Variants in NR5A1 observed in about 807,000 individuals in gnomAD.
The protein encoded by NR5A1 is nuclear receptor subfamily 5 group A member 1.
Under a neutral mutation model 42.7 loss-of-function variants are expected in NR5A1, and 6 were observed. The observed-to-expected ratio is 0.14, with a 90% CI of 0.08 to 0.28. The LOEUF is 0.28. Among genes scored for constraint, NR5A1 ranks in the 10% least tolerant of loss-of-function variants. NR5A1 has a pLI of 1.00. For synonymous variants in NR5A1, 274 were observed against 277.5 expected (o/e 0.99, Z 0.12); for missense variants, 442 against 626.4 (o/e 0.71, Z 3.14).
Position 124,492,921 on chromosome 9 carries a change from C to T in NR5A1, c.990+109G>A. 4 of 1,314,728 alleles carry T rather than the reference C, an allele frequency of 3.0e-6. No individual in the cohort carries two copies. The South Asian group carries it at 4.6e-5, about 15-fold the overall frequency. The allele number at this position is 1,314,728 out of a possible 1,614,324, so 81.4% of individuals were successfully genotyped here. A position where few individuals can be genotyped will look rare whatever the true frequency, so the allele number is the denominator to read the frequency against. On this transcript the variant is annotated intron_variant, in intron 5 of 6. Coordinates refer to ENST00000373588, the MANE Select transcript of NR5A1 (RefSeq NM_004959.5). ...GGGAAAGGGCTGATAATTAGGGTGC[C>T]CAGAGCCAGCCCCGAGAGGCCTGGG...
chr9:124,488,218 C>G (rs1270622232), intron 6 of NR5A1, among the ~76,000 whole-genome samples: 1 of 152,094 alleles, frequency 6.6e-6, no homozygotes, highest in African/African-American at 2.4e-5. Context: ...GAAGCCTTCC[C>G]GGATAGCCAA....
Position 124,500,120 on chromosome 9 carries a change from T to C in NR5A1, c.840A>G (p.Ala280=). The change falls in exon 4 of 7, where the codon GCA becomes GCG. Residue 280 remains alanine, a synonymous_variant. Transcript: ENST00000373588. This position sits in a 1 kb window ranked among gnomAD's most constrained non-coding sequence, Gnocchi z 6.9. ...GCTCCTTGAAGACCATGCACCTGCG[T>C]GCCCAGTCCACGATGGAGATGAAGG... ...DQTFISIVDW[A]RRCMVFKELE... The C allele has an allele frequency of 6.2e-7, 1 of 1,613,122 alleles. No individual in the cohort carries two copies. The highest frequency in any genetic ancestry group is 1.3e-5 in the African/African-American group (1 of 75,074).
Position 124,505,135 on chromosome 9 carries a change from C to G in NR5A1, c.-15-1725G>C, listed in dbSNP as rs533902777. 3.3e-5 allele frequency among the ~76,000 whole-genome samples: 5 copies of G among 152,012 alleles called. No homozygotes were observed. In the East Asian group the frequency reaches 9.7e-4, roughly 30 times the overall value. On this transcript the variant is annotated intron_variant, in intron 1 of 6. Transcript: ENST00000373588. ...GAGTCTTCGCCCTCATCCTCCAGGC[C>G]CCCCAGCCGCAGCCCGGCTCCCCGG...
At chr9:124,502,232 C>T (rs1832481713) in intron 3 of NR5A1, among the ~76,000 whole-genome samples, 1 of 152,234 alleles carries the variant, frequency 6.6e-6, no homozygotes, top group Non-Finnish European at 1.5e-5. Context: ...CTTGCCTGCA[C>T]CGATCCCCAC....
chr9:124,487,366 C>A (rs907028128), intron 6 of NR5A1, among the ~76,000 whole-genome samples: 45 of 152,220 alleles, frequency 3.0e-4, no homozygotes, highest in African/African-American at 1.1e-3. Flanking sequence ...AAATTGCAAA[C>A]GCTTAAGGGA....
At chr9:124,504,462 G>C (rs1275386188) in intron 1 of NR5A1, among the ~76,000 whole-genome samples, 2 of 152,024 alleles carry the variant, frequency 1.3e-5, no homozygotes, top group East Asian at 3.9e-4. Context: ...CAAAGCCGCA[G>C]CAGCGACGGC....
intron 6 of NR5A1, 45 bp downstream of exon 6, chr9:124,491,036 C>CCCCCCAA: frequency 7.1e-7 from 1 of 1,401,602 alleles, no homozygotes; most frequent in Non-Finnish European, 9.6e-7. Flanking sequence ...CCCACCCACC[C>CCCCCCAA]GCCTCTGGCT....
rs546416498 is a variant in NR5A1 at position 124,500,023 on chromosome 9, C to T, written c.870+67G>A. ...AGGATGGCCCTATCCAAAGGACAGT[C>T]GGGCTAAGGCTTGGGCAGCCGGGAG... On this transcript the variant is annotated intron_variant, in intron 4 of 6. Transcript: ENST00000373588. This position sits in a 1 kb window ranked among gnomAD's most constrained non-coding sequence, Gnocchi z 6.9. 27 of 1,610,450 alleles carry T rather than the reference C, an allele frequency of 1.7e-5. No homozygotes were observed. Among genetic ancestry groups the T allele is most frequent in the Middle Eastern group, 1.7e-4 (1 of 5,996 alleles).
chr9:124,505,223 C>T (rs1832539171), intron 1 of NR5A1, among the ~76,000 whole-genome samples: 1 of 152,234 alleles, frequency 6.6e-6, no homozygotes, highest in Non-Finnish European at 1.5e-5. Context: ...AGGTATAGGG[C>T]AGTGGGGGCC....
At chr9:124,495,412 C>T (rs1384450934) in intron 4 of NR5A1, among the ~76,000 whole-genome samples, 1 of 152,230 alleles carries the variant, frequency 6.6e-6, no homozygotes, top group Non-Finnish European at 1.5e-5. Flanking sequence ...GCCCACATTA[C>T]AGATAAGGAA....
intron 1 of NR5A1, among the ~76,000 whole-genome samples, chr9:124,504,062 A>AGAGAGAGAGG (rs1832513008): frequency 6.7e-6 from 1 of 149,730 alleles, no homozygotes; most frequent in African/African-American, 2.5e-5. Flanking sequence ...CGAGAGAGAG[A>AGAGAGAGAGG]GAGAGAGAGA....
intron 4 of NR5A1, among the ~76,000 whole-genome samples, chr9:124,497,011 C>G (rs544341811): frequency 9.9e-5 from 15 of 152,184 alleles, no homozygotes; most frequent in African/African-American, 2.7e-4. Context: ...GACCCTCAGA[C>G]GGTCCCAGAA....
At chr9:124,502,456 A>T (rs1326751836) in intron 3 of NR5A1, among the ~76,000 whole-genome samples, 1 of 151,952 alleles carries the variant, frequency 6.6e-6, no homozygotes, top group African/African-American at 2.4e-5. Flanking sequence ...CAGCCTCCTG[A>T]GTAGCTAGGA....
chr9:124,503,258 C>T lies in NR5A1; in HGVS notation c.102+36G>A, dbSNP rs375866403. The T allele has an allele frequency of 5.6e-6, 9 of 1,605,162 alleles. No homozygotes were observed. The highest frequency in any genetic ancestry group is 3.4e-6 in the Non-Finnish European group (4 of 1,176,728). ...AGAGTCAGCGAGGCCCCGCAGCGCC[C>T]GTCTGCCGCACCCCTGCCGCGCGCT... On this transcript the variant is annotated intron_variant, in intron 2 of 6. Coordinates refer to ENST00000373588, the MANE Select transcript of NR5A1 (RefSeq NM_004959.5). The surrounding 1 kb of genome is among the most constrained non-coding windows in gnomAD (Gnocchi z 9.6).
At chr9:124,505,783 G>T (rs1237734496) in intron 1 of NR5A1, among the ~76,000 whole-genome samples, 1 of 152,208 alleles carries the variant, frequency 6.6e-6, no homozygotes, top group African/African-American at 2.4e-5. Context: ...GGGGGGGTGG[G>T]GCGAGGAAGA....
At chr9:124,502,501 T>A (rs116050766) in intron 3 of NR5A1, among the ~76,000 whole-genome samples, 1,693 of 152,256 alleles carry the variant, frequency 0.011, 26 homozygotes, top group African/African-American at 0.038. Flanking sequence ...AGCTACTTTT[T>A]TATATTTTAT....
rs1249863051 is a variant in NR5A1 at position 124,500,811 on chromosome 9, TC to T, written c.245-97del. On this transcript the variant is annotated intron_variant, in intron 3 of 6. Transcript: ENST00000373588. The surrounding 1 kb of genome is among the most constrained non-coding windows in gnomAD (Gnocchi z 6.9). ...TTTCCAAACAAATCTGACCGCTCTC[TC>T]CCCTGCTCAACACCCTTTCATGGCT... 3 of 1,584,756 alleles carry T rather than the reference TC, an allele frequency of 1.9e-6. No individual in the cohort carries two copies. Among genetic ancestry groups the T allele is most frequent in the Non-Finnish European group, 2.6e-6 (3 of 1,156,532 alleles).
chr9:124,494,840 T>A (rs1198789647), intron 4 of NR5A1, among the ~76,000 whole-genome samples: 1 of 152,134 alleles, frequency 6.6e-6, no homozygotes, highest in Non-Finnish European at 1.5e-5. Flanking sequence ...ACTCTCTACC[T>A]GGGACCAGAG....
chr9:124,491,015 T>TCCGCCCC, intron 6 of NR5A1, 66 bp downstream of exon 6: 1 of 634,816 alleles, frequency 1.6e-6, no homozygotes, highest in Non-Finnish European at 2.8e-6. Context: ...CTCTCCAGCC[T>TCCGCCCC]CACCCACCCT....
Sources: allele counts gnomAD v4.1 joint callset (sites outside exome capture counted in the v4.1 genomes callset), GRCh38; gene constraint gnomAD v4.1.1; non-coding constraint Gnocchi (gnomAD v3.1); transcripts MANE v1.5; gene names NCBI Gene and HGNC (gene_info 2026-07-23, HGNC 2026-07-21).